Variants in RBFOX1 observed in about 807,000 individuals in gnomAD.
RBFOX1 encodes the protein RNA binding protein fox-1 homolog 1.
RBFOX1 carries 8 observed loss-of-function variants against 57.7 expected under a neutral mutation model. That is an observed-to-expected ratio of 0.14 (90% CI 0.08 to 0.25). The LOEUF (loss-of-function observed/expected upper bound fraction) is 0.25. Among genes scored for constraint, RBFOX1 ranks in the 10% least tolerant of loss-of-function variants. RBFOX1 has a pLI of 1.00. For synonymous variants in RBFOX1, 326 were observed against 222.4 expected, an observed-to-expected ratio of 1.47 and a Z score of -4.15; for missense variants, 611 against 548.5, an observed-to-expected ratio of 1.11 and a Z score of -1.14.
At chr16:5,258,503 C>A in intron 1 of RBFOX1, among the ~76,000 whole-genome samples, 1 of 152,082 alleles carries the variant, frequency 6.6e-6, no homozygotes, top group South Asian at 2.1e-4. Context: ...ATGTCTTGTC[C>A]TCAAAATGTA....
At chr16:7,309,048 A>T (rs1261437464) in intron 4 of RBFOX1, among the ~76,000 whole-genome samples, 2 of 152,240 alleles carry the variant, frequency 1.3e-5, no homozygotes, top group Non-Finnish European at 1.5e-5. Flanking sequence ...AGGATAGATT[A>T]GCTTCATGTC....
At chr16:6,187,789 C>T (rs779611251) in intron 1 of RBFOX1, among the ~76,000 whole-genome samples, 2 of 152,138 alleles carry the variant, frequency 1.3e-5, no homozygotes, top group Admixed American at 6.6e-5. Flanking sequence ...ATAACATTAA[C>T]AAACGTTTGC....
At chr16:7,497,542 G>C (rs998759525) in intron 4 of RBFOX1, among the ~76,000 whole-genome samples, 1 of 152,164 alleles carries the variant, frequency 6.6e-6, no homozygotes, top group Admixed American at 6.5e-5. Context: ...CTGCATGAGA[G>C]CAGGACTATT....
At chr16:6,162,842 T>C (rs1251220575) in intron 1 of RBFOX1, among the ~76,000 whole-genome samples, 1 of 152,134 alleles carries the variant, frequency 6.6e-6, no homozygotes, top group Non-Finnish European at 1.5e-5. Flanking sequence ...CAAGCAATTC[T>C]CCTGCTTCAC....
intron 1 of RBFOX1, among the ~76,000 whole-genome samples, chr16:6,132,802 CAT>C (rs2152680302): frequency 6.6e-6 from 1 of 152,112 alleles, no homozygotes; most frequent in East Asian, 1.9e-4. Flanking sequence ...GCCTGGCCAA[CAT>C]AGGAAAATCC....
chr16:6,185,240 C>G (rs920861401), intron 1 of RBFOX1, among the ~76,000 whole-genome samples: 2 of 152,212 alleles, frequency 1.3e-5, no homozygotes, highest in Admixed American at 6.5e-5. Flanking sequence ...ATCTGTCACT[C>G]TCTTTCTCTG....
At chr16:6,967,395 C>G (rs1461259335) in intron 3 of RBFOX1, among the ~76,000 whole-genome samples, 1 of 152,094 alleles carries the variant, frequency 6.6e-6, no homozygotes, top group Non-Finnish European at 1.5e-5. Context: ...GAGCTGAAGC[C>G]TCATGGGAAG....
intron 1 of RBFOX1, among the ~76,000 whole-genome samples, chr16:6,210,345 C>CAAAAAAAAAAAA (rs770814967): frequency 3.8e-5 from 1 of 26,004 alleles, no homozygotes; most frequent in Non-Finnish European, 6.6e-5. Flanking sequence ...AACAAAAAAA[C>CAAAAAAAAAAAA]AAAAAAAAAA....
At chr16:5,247,919 C>A (rs1881332) in intron 1 of RBFOX1, among the ~76,000 whole-genome samples, 1 of 152,018 alleles carries the variant, frequency 6.6e-6, no homozygotes, top group Non-Finnish European at 1.5e-5. Flanking sequence ...ATCAGGGGCA[C>A]AACCCAGGAT....
chr16:5,734,911 A>G (rs1366979363), intron 3 of RBFOX1, among the ~76,000 whole-genome samples: 1 of 152,172 alleles, frequency 6.6e-6, no homozygotes, highest in African/African-American at 2.4e-5. Context: ...GATGATTTTA[A>G]ACACTTTCTA....
intron 1 of RBFOX1, among the ~76,000 whole-genome samples, chr16:6,029,602 T>C (rs2095257893): frequency 6.7e-6 from 1 of 149,508 alleles, no homozygotes; most frequent in South Asian, 2.1e-4. Context: ...TGAAACCCCG[T>C]CTCTACTAAA....
At position 6,450,754 on chromosome 16, in the gene RBFOX1, CAT is replaced by C. The variant is rs200812486; in HGVS notation, c.-64+133706_-64+133707del. ...GGGGAATAAATTTTATATATATATACATATATATATGTGTATATATATATATA... is the reference window on the plus strand; with the variant it reads ...GGGGAATAAATTTTATATATATATACATATATATGTGTATATATATATATA... On this transcript the variant is annotated intron_variant, in intron 2 of 15. Coordinates refer to ENST00000550418, the MANE Select transcript of RBFOX1 (RefSeq NM_018723.4). 5.6e-4 allele frequency among the ~76,000 whole-genome samples: 33 copies of C among 58,662 alleles called. 2 individuals are homozygous for C. The highest frequency in any genetic ancestry group is 1.0e-3 in the Admixed American group (4 of 3,958). 38.5% of individuals were successfully genotyped at this position (58,662 alleles called of 152,430 possible).
chr16:7,393,719 C>G (rs2098087060), intron 4 of RBFOX1, among the ~76,000 whole-genome samples: 1 of 152,166 alleles, frequency 6.6e-6, no homozygotes, highest in Non-Finnish European at 1.5e-5. Flanking sequence ...CCCGTTTCAT[C>G]CATCTGTCTT....
intron 1 of RBFOX1, among the ~76,000 whole-genome samples, chr16:5,295,843 C>T (rs1018646432): frequency 1.3e-5 from 2 of 152,188 alleles, no homozygotes; most frequent in Non-Finnish European, 1.5e-5. Flanking sequence ...GGATGGGAGG[C>T]ATCTGGTTGC....
chr16:6,904,735 C>T (rs754297859), intron 3 of RBFOX1, among the ~76,000 whole-genome samples: 1 of 151,932 alleles, frequency 6.6e-6, no homozygotes, highest in Non-Finnish European at 1.5e-5. Context: ...TCACAGGGAC[C>T]CTCGCCTTGC....
At chr16:5,363,172 T>G (rs2065603617) in intron 1 of RBFOX1, among the ~76,000 whole-genome samples, 1 of 151,392 alleles carries the variant, frequency 6.6e-6, no homozygotes, top group South Asian at 2.1e-4. Context: ...TAGCTGGGAC[T>G]ACAGGCATGT....
intron 3 of RBFOX1, among the ~76,000 whole-genome samples, chr16:5,817,144 G>A (rs78026683): frequency 0.021 from 3,263 of 152,160 alleles, 133 homozygotes; most frequent in African/African-American, 0.073. Context: ...ATTCAGCGTC[G>A]TCTTGCACTC....
At chr16:7,451,988 A>G (rs2098867543) in intron 4 of RBFOX1, among the ~76,000 whole-genome samples, 1 of 152,184 alleles carries the variant, frequency 6.6e-6, no homozygotes, top group African/African-American at 2.4e-5. Context: ...GAGAGAGACA[A>G]AGAGACTAGT....
chr16:5,507,847 G>A (rs1225158140), intron 2 of RBFOX1, among the ~76,000 whole-genome samples: 1 of 152,176 alleles, frequency 6.6e-6, no homozygotes, highest in East Asian at 1.9e-4. Flanking sequence ...CGCAAGGAGG[G>A]TCTCTTCCTA....
Sources: gnomAD v4.1 joint callset for allele counts (sites outside exome capture counted in the v4.1 genomes callset) on GRCh38, gnomAD v4.1.1 for gene constraint, MANE v1.5 for transcripts, NCBI Gene and HGNC (gene_info 2026-07-23, HGNC 2026-07-21) for gene names.